Variants in MYOM2 observed in about 807,000 individuals in gnomAD.
The protein encoded by MYOM2 is myomesin-2.
In MYOM2, 254 loss-of-function variants were observed where a neutral mutation model predicts 187.6. That is an observed-to-expected ratio of 1.35 (90% CI 1.22 to 1.50). The LOEUF is 1.50. Among genes scored for constraint, MYOM2 ranks in the 40% most tolerant of loss-of-function variants. The pLI, the probability that MYOM2 is intolerant of heterozygous loss-of-function variation, is 0.00. For synonymous variants in MYOM2, 981 were observed against 753.8 expected (o/e 1.30, Z -4.94); for missense variants, 2,796 against 1,924.0 (o/e 1.45, Z -8.48).
chr8:2,090,831 G>A (rs1233018745), intron 15 of MYOM2, among the ~76,000 whole-genome samples: 2 of 152,114 alleles, frequency 1.3e-5, no homozygotes, highest in Admixed American at 6.5e-5. Flanking sequence ...AGTATTCCAT[G>A]GTATATATGT....
Position 2,094,195 on chromosome 8 carries a change from A to AG in MYOM2, c.2125+108dup, listed in dbSNP as rs1378844433. The AG allele has an allele frequency of 2.1e-6, 3 of 1,419,868 alleles. No homozygotes were observed. The African/African-American group carries it at 4.3e-5, about 20-fold the overall frequency. 88.0% of individuals were successfully genotyped at this position (1,419,868 alleles called of 1,614,324 possible). ...ATTTGGAATGTCATTGAAGGGGAAAAGGGGACTAAATTCCTGAACAGAGAA... is the reference window on the plus strand; with the variant it reads ...ATTTGGAATGTCATTGAAGGGGAAAAGGGGGACTAAATTCCTGAACAGAGAA... On this transcript the variant is annotated intron_variant, in intron 17 of 36. Coordinates refer to ENST00000262113, the MANE Select transcript of MYOM2 (RefSeq NM_003970.4).
intron 20 of MYOM2, chr8:2,102,128 C>G (rs930164260): frequency 6.6e-6 from 1 of 152,400 alleles, no homozygotes; most frequent in African/African-American, 2.4e-5. Flanking sequence ...TCCGGAAACC[C>G]TTTGATGACA....
At chr8:2,137,291 C>T (rs909269892) in intron 32 of MYOM2, among the ~76,000 whole-genome samples, 2 of 151,870 alleles carry the variant, frequency 1.3e-5, no homozygotes, top group African/African-American at 2.4e-5. Flanking sequence ...GCGATTGTTG[C>T]GTCCTCTTGG....
rs1436343874 is a variant in MYOM2 at position 2,124,208 on chromosome 8, A to G, written c.3685A>G (p.Arg1229Gly). ...VYDDMILAMSRVCGKSASPLK... is the reference protein window; with the variant it reads ...VYDDMILAMSGVCGKSASPLK... ...TGATGATATGATTTTGGCAATGAGT[A>G]GAGTCTGTGGTAAGTAAATGCCTTT... The change falls in exon 31 of 37, where the codon AGA (arginine) becomes GGA (glycine). Residue 1229 changes from arginine to glycine, a missense_variant. Transcript: ENST00000262113. 8.1e-6 allele frequency: 13 copies of G among 1,612,720 alleles called. No homozygotes were observed. Among genetic ancestry groups the G allele is most frequent in the African/African-American group, 1.3e-5 (1 of 75,032 alleles).
chr8:2,078,967 C>T, intron 12 of MYOM2, 34 bp downstream of exon 12: 2 of 1,600,118 alleles, frequency 1.2e-6, no homozygotes, highest in Non-Finnish European at 1.7e-6. Flanking sequence ...CCACTGTGCC[C>T]AGGAAGCTTT....
chr8:2,088,780 G>C (rs571705049), intron 14 of MYOM2, among the ~76,000 whole-genome samples: 3 of 152,380 alleles, frequency 2.0e-5, no homozygotes, highest in African/African-American at 7.2e-5. Flanking sequence ...CATATACCCA[G>C]TAATGGGATT....
intron 1 of MYOM2, among the ~76,000 whole-genome samples, chr8:2,048,197 G>A (rs998838093): frequency 3.9e-5 from 6 of 152,232 alleles, no homozygotes; most frequent in Admixed American, 3.9e-4. Flanking sequence ...ACTGGGGATT[G>A]CTCATGCGTC....
chr8:2,084,647 A>C (rs1311531137), intron 13 of MYOM2, among the ~76,000 whole-genome samples: 1 of 152,226 alleles, frequency 6.6e-6, no homozygotes, highest in Non-Finnish European at 1.5e-5. Context: ...AGCATCTCTG[A>C]CTGCAAATAT....
chr8:2,137,273 G>A (rs1798111695), intron 32 of MYOM2, among the ~76,000 whole-genome samples: 2 of 152,020 alleles, frequency 1.3e-5, no homozygotes, highest in African/African-American at 2.4e-5. Flanking sequence ...AGCTCACACA[G>A]GGTGGCAGCG....
At chr8:2,108,939 A>G in intron 24 of MYOM2, 109 bp downstream of exon 24, 1 of 1,057,950 alleles carries the variant, frequency 9.5e-7, no homozygotes, top group African/African-American at 1.6e-5. Context: ...GGATGGCCTG[A>G]TTTCCTGATC....
intron 32 of MYOM2, among the ~76,000 whole-genome samples, chr8:2,139,333 G>C (rs1248525086): frequency 6.6e-6 from 1 of 151,754 alleles, no homozygotes; most frequent in Non-Finnish European, 1.5e-5. Context: ...TTGAGACAGG[G>C]TCTTGCTTTG....
At chr8:2,113,770 G>C (rs1321442793) in intron 25 of MYOM2, among the ~76,000 whole-genome samples, 2 of 152,206 alleles carry the variant, frequency 1.3e-5, no homozygotes, top group African/African-American at 4.8e-5. Flanking sequence ...AGTAGTGTCA[G>C]AGACCACAGC....
intron 27 of MYOM2, 58 bp downstream of exon 27, chr8:2,116,333 G>C (rs918239360): frequency 1.3e-6 from 2 of 1,501,066 alleles, no homozygotes; most frequent in South Asian, 1.2e-5. Flanking sequence ...AAGATGATTG[G>C]AGTATTTGTC....
Position 2,144,945 on chromosome 8 carries a change from G to T in MYOM2, c.4362G>T (p.Lys1454Asn), listed in dbSNP as rs1366400598. 6.2e-7 allele frequency: 1 copy of T among 1,614,190 alleles called. No homozygotes were observed. The highest frequency in any genetic ancestry group is 1.7e-5 in the Admixed American group (1 of 60,012). ...CCCCGCCCCAGCAAGCCAAGCCCAAGCTCATCCCCGCGTCTGCCTCAGCGG... is the reference window on the plus strand; with the variant it reads ...CCCCGCCCCAGCAAGCCAAGCCCAATCTCATCCCCGCGTCTGCCTCAGCGG... ...DMAPPQQAKP[K>N]LIPASASAAG... Residue 1454 changes from lysine (K) to asparagine (N), a missense_variant, in exon 37 of 37, where the codon AAG (lysine) becomes AAT (asparagine). Lys to Asn is a moderately conservative substitution (Grantham distance 94, BLOSUM62 0). Transcript: ENST00000262113.
At chr8:2,091,944 T>C (rs1161315275) in intron 15 of MYOM2, among the ~76,000 whole-genome samples, 2 of 152,196 alleles carry the variant, frequency 1.3e-5, no homozygotes, top group Non-Finnish European at 2.9e-5. Context: ...TGAGTGCCCC[T>C]CGGAGATTTC....
intron 13 of MYOM2, chr8:2,081,784 G>C (rs574519523): frequency 6.6e-6 from 1 of 152,470 alleles, no homozygotes; most frequent in South Asian, 2.1e-4. Flanking sequence ...AATGAAGAAA[G>C]AGCGCGTGTC....
intron 3 of MYOM2, among the ~76,000 whole-genome samples, chr8:2,053,060 C>T (rs1467280779): frequency 1.3e-5 from 2 of 152,100 alleles, no homozygotes; most frequent in Non-Finnish European, 2.9e-5. Flanking sequence ...TTGTTTTATA[C>T]CTGCTGTATT....
intron 25 of MYOM2, among the ~76,000 whole-genome samples, chr8:2,115,381 T>C (rs1797206607): frequency 6.6e-6 from 1 of 152,204 alleles, no homozygotes. Flanking sequence ...CATTCATATG[T>C]ATCTGTGCAT....
At chr8:2,143,590 G>C in intron 36 of MYOM2, 134 bp downstream of exon 36, 3 of 1,076,346 alleles carry the variant, frequency 2.8e-6, no homozygotes, top group Non-Finnish European at 4.2e-6. Flanking sequence ...GGAACCCAGA[G>C]TCCCCCCCAC....
Sources: allele counts gnomAD v4.1 joint callset (sites outside exome capture counted in the v4.1 genomes callset), GRCh38; gene constraint gnomAD v4.1.1; transcripts MANE v1.5; gene names NCBI Gene and HGNC (gene_info 2026-07-23, HGNC 2026-07-21).